The following ATP8A2 variants were observed in gnomAD, a reference collection of about 807,000 sequenced individuals.
The protein encoded by ATP8A2 is ATPase phospholipid transporting 8A2.
Under a neutral mutation model 165.6 loss-of-function variants are expected in ATP8A2, and 100 were observed. That is an observed-to-expected ratio of 0.60 (90% CI 0.51 to 0.71). The LOEUF (loss-of-function observed/expected upper bound fraction) is 0.71. Among genes scored for constraint, ATP8A2 ranks in the 30% least tolerant of loss-of-function variants. ATP8A2 has a pLI of 0.00. For missense variants in ATP8A2, 1,227 were observed against 1,479.5 expected (o/e 0.83, Z 2.80); for synonymous variants, 543 against 548.8 (o/e 0.99, Z 0.15).
At chr13:25,434,689 T>A (rs1370571728) in intron 1 of ATP8A2, among the ~76,000 whole-genome samples, 1 of 152,152 alleles carries the variant, frequency 6.6e-6, no homozygotes, top group Non-Finnish European at 1.5e-5. Flanking sequence ...CATCACAGAA[T>A]TAAAATACGA....
intron 24 of ATP8A2, among the ~76,000 whole-genome samples, chr13:25,690,754 GA>G (rs943487757): frequency 4.6e-5 from 7 of 152,150 alleles, no homozygotes; most frequent in Admixed American, 2.0e-4. Flanking sequence ...AGGCACTTTG[GA>G]AAACAGTCTT....
At chr13:25,592,139 C>T (rs149226818) in intron 24 of ATP8A2, among the ~76,000 whole-genome samples, 1 of 151,376 alleles carries the variant, frequency 6.6e-6, no homozygotes, top group African/African-American at 2.4e-5. Context: ...TTTACATGTG[C>T]CTTTTGGTCA....
intron 1 of ATP8A2, among the ~76,000 whole-genome samples, chr13:25,445,591 T>G (rs1243344301): frequency 1.3e-5 from 2 of 152,230 alleles, no homozygotes; most frequent in Non-Finnish European, 2.9e-5. Flanking sequence ...ATATACCTCT[T>G]TATGTCCTGA....
chr13:25,783,764 CT>C (rs2044948249), intron 27 of ATP8A2, among the ~76,000 whole-genome samples: 2 of 152,164 alleles, frequency 1.3e-5, no homozygotes, highest in South Asian at 4.1e-4. Flanking sequence ...TGTTCCAGCT[CT>C]GTGATAAATG....
At position 26,012,556 on chromosome 13, in the gene ATP8A2, A is replaced by G; in HGVS notation, c.3403A>G (p.Lys1135Glu). The G allele has an allele frequency of 6.5e-7, 1 of 1,538,582 alleles. No individual in the cohort carries two copies. Among genetic ancestry groups the G allele is most frequent in the Middle Eastern group, 1.7e-4 (1 of 5,946 alleles). Residue 1135 changes from lysine to glutamate, a missense_variant, in exon 36 of 37, where the codon AAG becomes GAG. By Grantham distance (56) the Lys-to-Glu change is moderately conservative. Around this residue, in one of 5 missense-constraint regions of ATP8A2, gnomAD observed 260 missense variants for 245.1 expected, o/e 1.06. Transcript: ENST00000381655. The stretch of plus-strand genomic sequence containing the variant: ...GCTGAACGAGCGCGACCGCCTGATC[A>G]AGAGGCTGGGCCGGAAGACGCCCCC... ...KRLNERDRLI[K>E]RLGRKTPPTL...
chr13:25,541,917 A>G lies in ATP8A2; in HGVS notation c.652-2A>G. The G allele has an allele frequency of 6.2e-7, 1 of 1,613,992 alleles. No individual in the cohort carries two copies. The highest frequency in any genetic ancestry group is 8.5e-7 in the Non-Finnish European group (1 of 1,179,934). On this transcript the variant is annotated splice_acceptor_variant, in intron 8 of 36. Transcript: ENST00000381655. LOFTEE classifies it high-confidence loss of function. ...ACTTCCTCTTTTGGTTTAATCTTTT[A>G]GGGTTTGAGTCACACTGCTGACATG...
intron 29 of ATP8A2, 60 bp from the exon 30 acceptor site, chr13:25,839,486 G>A (rs1951704762): frequency 3.3e-6 from 4 of 1,227,240 alleles, no homozygotes; most frequent in African/African-American, 3.0e-5. Flanking sequence ...TTTGTTGAGA[G>A]TTTCACAGAG....
rs1436894059 is a variant in ATP8A2, at chr13:25,372,211, A to C, written c.-2A>C. The C allele has an allele frequency of 6.9e-7, 1 of 1,438,884 alleles. No homozygotes were observed. Among genetic ancestry groups the C allele is most frequent in the Non-Finnish European group, 9.2e-7 (1 of 1,086,078 alleles). 89.1% of individuals were successfully genotyped at this position (1,438,884 alleles called of 1,614,324 possible). Reference sequence around the variant, plus strand: ...GGCCGCCGAGCCCCCGACACGGGCGAGATGCTGAACGGCGCAGGCCTGGAC... The same window carrying C: ...GGCCGCCGAGCCCCCGACACGGGCGCGATGCTGAACGGCGCAGGCCTGGAC... On this transcript the variant is annotated 5_prime_UTR_variant, in exon 1 of 37. Transcript: ENST00000381655. The surrounding 1 kb of genome is among the most constrained non-coding windows in gnomAD (Gnocchi z 4.8).
At chr13:25,966,000 C>G (rs1156752901) in intron 34 of ATP8A2, among the ~76,000 whole-genome samples, 1 of 80,398 alleles carries the variant, frequency 1.2e-5, no homozygotes, top group Non-Finnish European at 2.5e-5. Context: ...TTCTTGCATA[C>G]AAAAGAAGAG....
intron 2 of ATP8A2, among the ~76,000 whole-genome samples, chr13:25,505,474 G>A (rs753470119): frequency 2.0e-5 from 3 of 152,094 alleles, no homozygotes; most frequent in Non-Finnish European, 4.4e-5. Flanking sequence ...ACCTTCACAC[G>A]TATAATTTAA....
intron 2 of ATP8A2, among the ~76,000 whole-genome samples, chr13:25,490,204 C>T (rs1022741197): frequency 6.6e-6 from 1 of 152,252 alleles, no homozygotes; most frequent in Non-Finnish European, 1.5e-5. Context: ...GGCTCATGCC[C>T]TTAGCCTCTT....
chr13:25,456,300 C>T (rs1167424543), intron 1 of ATP8A2, among the ~76,000 whole-genome samples: 8 of 152,208 alleles, frequency 5.3e-5, no homozygotes, highest in Non-Finnish European at 1.2e-4. Flanking sequence ...TCCACTCTCA[C>T]AGGTGCTAAT....
intron 35 of ATP8A2, 54 bp downstream of exon 35, chr13:25,968,733 C>T: frequency 7.3e-7 from 1 of 1,362,208 alleles, no homozygotes; most frequent in Non-Finnish European, 1.0e-6. Context: ...GGCCCTTTTC[C>T]CTTATTCCTT....
At chr13:25,408,333 C>T (rs2181954) in intron 1 of ATP8A2, among the ~76,000 whole-genome samples, 87,347 of 151,274 alleles carry the variant, frequency 0.58, 25,411 homozygotes, top group East Asian at 0.62. Flanking sequence ...GCGGAGGTTG[C>T]AGTGAGCCGA....
At chr13:25,454,693 G>T (rs1405393285) in intron 1 of ATP8A2, among the ~76,000 whole-genome samples, 1 of 152,182 alleles carries the variant, frequency 6.6e-6, no homozygotes, top group Non-Finnish European at 1.5e-5. Context: ...GGAGGCCGAG[G>T]TGGGTGAATC....
intron 35 of ATP8A2, among the ~76,000 whole-genome samples, chr13:26,010,095 A>G (rs1956812465): frequency 6.6e-6 from 1 of 152,162 alleles, no homozygotes; most frequent in African/African-American, 2.4e-5. Flanking sequence ...TAATTATAAA[A>G]AAAGAAGACA....
At chr13:25,531,386 A>ATATATATGAT (rs1555291284) in intron 4 of ATP8A2, among the ~76,000 whole-genome samples, 119 of 58,520 alleles carry the variant, frequency 2.0e-3, no homozygotes, top group African/African-American at 0.014. Flanking sequence ...TATATATATG[A>ATATATATGAT]TATATATATG....
At chr13:25,497,622 C>T (rs1196420280) in intron 2 of ATP8A2, among the ~76,000 whole-genome samples, 1 of 152,014 alleles carries the variant, frequency 6.6e-6, no homozygotes, top group Non-Finnish European at 1.5e-5. Flanking sequence ...ACTGCTTTTT[C>T]CTAGTCTATC....
chr13:25,918,758 C>G (rs1954343890), intron 33 of ATP8A2, among the ~76,000 whole-genome samples: 1 of 152,198 alleles, frequency 6.6e-6, no homozygotes, highest in Non-Finnish European at 1.5e-5. Flanking sequence ...TCTCCCATCC[C>G]TCCCAGCAGC....
Sources: gnomAD v4.1 joint callset for allele counts (sites outside exome capture counted in the v4.1 genomes callset) on GRCh38, gnomAD v4.1.1 for gene constraint, gnomAD v4.1.1 regional missense constraint, Gnocchi (gnomAD v3.1) non-coding constraint, MANE v1.5 for transcripts, NCBI Gene and HGNC (gene_info 2026-07-23, HGNC 2026-07-21) for gene names.